TNC: variants seen among roughly 807,000 people sequenced by gnomAD.
TNC encodes tenascin.
Under a neutral mutation model 202.4 loss-of-function variants are expected in TNC, and 109 were observed. The observed-to-expected ratio is 0.54, with a 90% CI of 0.46 to 0.63. The LOEUF is 0.63. Ranked by LOEUF, TNC falls within the 30% of genes least tolerant of loss-of-function variation. The pLI, the probability that TNC is intolerant of heterozygous loss-of-function variation, is 0.00. For missense variants in TNC, 2,756 were observed against 2,833.3 expected, an observed-to-expected ratio of 0.97 and a Z score of 0.62; for synonymous variants, 1,007 against 1,089.7, an observed-to-expected ratio of 0.92 and a Z score of 1.50.
In TNC at chr9:115,030,351, T is replaced by A. The variant is rs376524894; in HGVS notation, c.5975A>T (p.Asp1992Val). ...KDCSQAMLNG[D>V]TTSGLYTIYL... ...AATGGTGTAGAGGCCAGAGGTCGTG[T>A]CTCCATTCAGCATTGCTTGGGAGCA... The change falls in exon 24 of 28, where the codon GAC (aspartate) becomes GTC (valine). Residue 1992 changes from aspartate (D) to valine (V), a missense_variant. This residue lies in a region of TNC where 197 missense variants were observed against 287.3 expected (regional missense o/e 0.69). Coordinates refer to ENST00000350763, the MANE Select transcript of TNC (RefSeq NM_002160.4). 6.2e-7 allele frequency: 1 copy of A among 1,613,676 alleles called. No individual in the cohort carries two copies. Among genetic ancestry groups the A allele is most frequent in the African/African-American group, 1.3e-5 (1 of 74,868 alleles).
chr9:115,057,950 T>C (rs1377331674), intron 14 of TNC, among the ~76,000 whole-genome samples: 2 of 152,262 alleles, frequency 1.3e-5, no homozygotes, highest in African/African-American at 2.4e-5. Context: ...TTGAGGCTTC[T>C]GATTTTGTGA....
intron 25 of TNC, among the ~76,000 whole-genome samples, 192 bp downstream of exon 25, chr9:115,029,168 G>A (rs1329498046): frequency 7.3e-5 from 11 of 151,578 alleles, no homozygotes. Context: ...GATACTTTTT[G>A]GTTTACATTT....
intron 22 of TNC, 46 bp downstream of exon 22, chr9:115,035,158 C>A: frequency 6.5e-7 from 1 of 1,538,434 alleles, no homozygotes; most frequent in African/African-American, 1.4e-5. Context: ...GAAGATCATG[C>A]AAATGCTTCA....
Position 115,030,393 on chromosome 9 carries a change from T to C in TNC, c.5933A>G (p.Tyr1978Cys), listed in dbSNP as rs1168955285. The C allele has an allele frequency of 1.2e-6, 2 of 1,613,052 alleles. No individual in the cohort carries two copies. Among genetic ancestry groups the C allele is most frequent in the Non-Finnish European group, 1.7e-6 (2 of 1,179,364 alleles). Residue 1978 changes from tyrosine (Y) to cysteine (C), a missense_variant, in exon 24 of 28, where the codon TAC (tyrosine) becomes TGC (cysteine). Physicochemically the swap from Tyr to Cys is radical, Grantham distance 194. This residue lies in a region of TNC where 197 missense variants were observed against 287.3 expected (regional missense o/e 0.69). Coordinates refer to ENST00000350763, the MANE Select transcript of TNC (RefSeq NM_002160.4). Reference sequence around the variant, plus strand: ...TTGGGAGCAGTCCTTGGGGAAGGGGTACAGGAGTCCAACTGTGGAATAAGG... The same window carrying C: ...TTGGGAGCAGTCCTTGGGGAAGGGGCACAGGAGTCCAACTGTGGAATAAGG... Reference protein sequence around the residue: ...QTIFTTIGLLYPFPKDCSQAM... With the variant: ...QTIFTTIGLLCPFPKDCSQAM...
chr9:115,088,057 C>T (rs1834934283), intron 2 of TNC, among the ~76,000 whole-genome samples: 1 of 152,120 alleles, frequency 6.6e-6, no homozygotes, highest in South Asian at 2.1e-4. Flanking sequence ...AAAAGATGCC[C>T]AAGAAATAGT....
chr9:115,031,984 A>G (rs1829984410), intron 22 of TNC, among the ~76,000 whole-genome samples: 1 of 152,188 alleles, frequency 6.6e-6, no homozygotes, highest in African/African-American at 2.4e-5. Flanking sequence ...CTCCAGGGCT[A>G]AGGCTACCAC....
chr9:115,094,651 A>C (rs1835478928), intron 1 of TNC, among the ~76,000 whole-genome samples: 2 of 152,204 alleles, frequency 1.3e-5, no homozygotes, highest in Non-Finnish European at 2.9e-5. Flanking sequence ...GATCAGCAAT[A>C]AAAGGTCTGG....
chr9:115,069,834 C>CCCTT (rs532861680), intron 10 of TNC, among the ~76,000 whole-genome samples: 2 of 127,712 alleles, frequency 1.6e-5, no homozygotes, highest in East Asian at 5.0e-4. Flanking sequence ...CTTCCTTCCT[C>CCCTT]CCTTCCTTCC....
chr9:115,090,674 T>G lies in TNC; in HGVS notation c.345A>C (p.Ala115=). 1 of 1,614,126 alleles carries G rather than the reference T, an allele frequency of 6.2e-7. No homozygotes were observed. Among genetic ancestry groups the G allele is most frequent in the Non-Finnish European group, 8.5e-7 (1 of 1,179,968 alleles). The part of the protein sequence containing the change: ...NIPRRACGCA[A]APDVKELLSR... ...TCAGCAGCTCCTTAACATCAGGGGC[T>G]GCGGCACAGCCACAGGCCCGGCGGG... Residue 115 remains alanine, a synonymous_variant, in exon 2 of 28, where the codon GCA becomes GCC. Coordinates refer to ENST00000350763, the MANE Select transcript of TNC (RefSeq NM_002160.4).
intron 2 of TNC, among the ~76,000 whole-genome samples, chr9:115,087,527 G>GAT (rs1225588082): frequency 7.4e-5 from 11 of 148,844 alleles, no homozygotes; most frequent in African/African-American, 2.7e-4. Context: ...TATGCATAGG[G>GAT]GTGTGTGTGT....
intron 15 of TNC, among the ~76,000 whole-genome samples, chr9:115,053,319 G>T (rs1176464971): frequency 6.6e-6 from 1 of 152,168 alleles, no homozygotes. Flanking sequence ...CCATTAGAGT[G>T]GTAGATTGGA....
intron 1 of TNC, among the ~76,000 whole-genome samples, chr9:115,109,620 C>A (rs555009621): frequency 6.6e-6 from 1 of 152,216 alleles, no homozygotes; most frequent in Non-Finnish European, 1.5e-5. Context: ...TCTCTTGTGA[C>A]TCAGCCTCAA....
intron 17 of TNC, among the ~76,000 whole-genome samples, chr9:115,045,781 G>C (rs10982507): frequency 6.6e-6 from 1 of 151,852 alleles, no homozygotes; most frequent in African/African-American, 2.4e-5. Context: ...GTGCCTTTCA[G>C]AGTTGTTATG....
rs1179672042 is a variant in TNC, at chr9:115,104,960, G to A, written c.-137+13022C>T. On this transcript the variant is annotated intron_variant, in intron 1 of 27. Coordinates refer to ENST00000350763, the MANE Select transcript of TNC (RefSeq NM_002160.4). ...GTACAGGAGTGGAGAGTGTTGACGT[G>A]TACACCAAATATTTGGCATAGCAAA... Among the ~76,000 whole-genome samples, 10 of 152,122 alleles carry A rather than the reference G, an allele frequency of 6.6e-5. 1 individual carries two copies. The highest frequency in any genetic ancestry group is 2.6e-4 in the Admixed American group (4 of 15,262).
At chr9:115,091,528 G>C (rs1256516512) in intron 1 of TNC, among the ~76,000 whole-genome samples, 4 of 152,096 alleles carry the variant, frequency 2.6e-5, no homozygotes, top group Non-Finnish European at 5.9e-5. Context: ...CTAATGACAG[G>C]GTTAAAAGAA....
chr9:115,029,219 G>T, intron 25 of TNC, 141 bp downstream of exon 25: 1 of 687,598 alleles, frequency 1.5e-6, no homozygotes. Flanking sequence ...TTTTCATTAA[G>T]AATTTGACAT....
chr9:115,041,187 C>T, intron 18 of TNC, 103 bp from the exon 19 acceptor site: 1 of 1,284,598 alleles, frequency 7.8e-7, no homozygotes, highest in Non-Finnish European at 1.1e-6. Flanking sequence ...GAAACTATAT[C>T]TTCATCAAAC....
rs12343556 is a variant in TNC at position 115,041,309 on chromosome 9, C to G, written c.5249-225G>C. ...ATGCCAAAAACAAAGCCAGGAGGGG[C>G]GGGGGAAAACATGAAGTCACAACGT... On this transcript the variant is annotated intron_variant, in intron 18 of 27. Transcript: ENST00000350763. 0.7 allele frequency among the ~76,000 whole-genome samples: 89,395 copies of G among 127,610 alleles called. 30,525 individuals are homozygous for G. Among genetic ancestry groups the G allele is most frequent in the African/African-American group, 0.78 (26,291 of 33,594 alleles). 83.7% of individuals were successfully genotyped at this position (127,610 alleles called of 152,430 possible).
chr9:115,103,619 A>G (rs1836400554), intron 1 of TNC, among the ~76,000 whole-genome samples: 1 of 152,170 alleles, frequency 6.6e-6, no homozygotes, highest in African/African-American at 2.4e-5. Context: ...AAAATGAGCA[A>G]CTGTGTATGG....
Sources: allele counts gnomAD v4.1 joint callset (sites outside exome capture counted in the v4.1 genomes callset), GRCh38; gene constraint gnomAD v4.1.1; regional missense constraint gnomAD v4.1.1; transcripts MANE v1.5; gene names NCBI Gene and HGNC (gene_info 2026-07-23, HGNC 2026-07-21).